XRCC5: variants seen among roughly 807,000 people sequenced by gnomAD.
XRCC5 encodes the protein X-ray repair cross complementing 5, also known as DNA repair protein Ku80.
Under a neutral mutation model 95.7 loss-of-function variants are expected in XRCC5, and 12 were observed. That is an observed-to-expected ratio of 0.13 (90% CI 0.08 to 0.20). The LOEUF (loss-of-function observed/expected upper bound fraction) is 0.20. Ranked by LOEUF, XRCC5 falls within the 10% of genes least tolerant of loss-of-function variation. The pLI is 1.00. For synonymous variants in XRCC5, 281 were observed against 290.3 expected, an observed-to-expected ratio of 0.97 and a Z score of 0.33; for missense variants, 595 against 873.9, an observed-to-expected ratio of 0.68 and a Z score of 4.02.
chr2:216,117,344 T>G (rs951237393), intron 3 of XRCC5: 36 of 194,134 alleles, frequency 1.9e-4, no homozygotes, highest in African/African-American at 8.4e-4. Context: ...CTTTTTCTAA[T>G]CAGTTAGTAG....
intron 17 of XRCC5, among the ~76,000 whole-genome samples, 156 bp downstream of exon 17, chr2:216,190,490 T>G (rs1689596211): frequency 6.6e-6 from 1 of 152,204 alleles, no homozygotes; most frequent in Admixed American, 6.5e-5. Context: ...ATGACTTAAA[T>G]TCATGTTACT....
chr2:216,147,966 A>G (rs1404530051), intron 13 of XRCC5, 117 bp from the exon 14 acceptor site: 2 of 1,089,250 alleles, frequency 1.8e-6, no homozygotes, highest in Non-Finnish European at 2.7e-6. Flanking sequence ...TGTTTTTTAC[A>G]TGTGGTATGA....
chr2:216,138,355 G>A (rs962503871), intron 12 of XRCC5, among the ~76,000 whole-genome samples, 176 bp downstream of exon 12: 1 of 152,222 alleles, frequency 6.6e-6, no homozygotes, highest in Admixed American at 6.5e-5. Context: ...TTTTCCAGTA[G>A]TAGGGATAGG....
intron 2 of XRCC5, among the ~76,000 whole-genome samples, chr2:216,113,881 A>G (rs1310736949): frequency 1.3e-5 from 2 of 152,152 alleles, no homozygotes; most frequent in African/African-American, 2.4e-5. Flanking sequence ...CTTAAGACCT[A>G]TTTTTAGAAG....
At chr2:216,181,876 A>G (rs1460826539) in intron 16 of XRCC5, among the ~76,000 whole-genome samples, 1 of 152,210 alleles carries the variant, frequency 6.6e-6, no homozygotes, top group Non-Finnish European at 1.5e-5. Context: ...TTTGACCTCT[A>G]GAATACTGTA....
chr2:216,111,245 G>T (rs534901491), intron 1 of XRCC5, among the ~76,000 whole-genome samples: 3 of 152,158 alleles, frequency 2.0e-5, no homozygotes, highest in Non-Finnish European at 4.4e-5. Context: ...GGGGAGGCCA[G>T]ACACGGTGGC....
chr2:216,147,525 T>TA (rs1688657960), intron 13 of XRCC5, among the ~76,000 whole-genome samples: 1 of 151,902 alleles, frequency 6.6e-6, no homozygotes, highest in African/African-American at 2.4e-5. Context: ...GAGAGAAAGG[T>TA]GGATGGACTT....
chr2:216,204,284 A>G (rs556975922), intron 19 of XRCC5, 38 bp from the exon 20 acceptor site: 17 of 1,611,612 alleles, frequency 1.1e-5, no homozygotes, highest in Non-Finnish European at 1.4e-5. Context: ...AGGGGCAAAA[A>G]TATCATTTTG....
chr2:216,145,037 G>A (rs541002525), intron 13 of XRCC5, among the ~76,000 whole-genome samples: 100 of 152,210 alleles, frequency 6.6e-4, no homozygotes, highest in Non-Finnish European at 1.1e-3. Flanking sequence ...GATGCACAAT[G>A]GGGAGTAGAG....
intron 14 of XRCC5, among the ~76,000 whole-genome samples, chr2:216,153,881 C>G (rs991908855): frequency 2.0e-5 from 3 of 152,202 alleles, no homozygotes; most frequent in African/African-American, 7.2e-5. Flanking sequence ...AGCTTAGGTG[C>G]CTGTAGGCCC....
At chr2:216,135,516 C>T (rs1697060911) in intron 10 of XRCC5, among the ~76,000 whole-genome samples, 1 of 151,926 alleles carries the variant, frequency 6.6e-6, no homozygotes, top group African/African-American at 2.4e-5. Flanking sequence ...TTGGTAGTTT[C>T]GTGAACACTT....
intron 16 of XRCC5, among the ~76,000 whole-genome samples, chr2:216,164,154 C>G (rs867924587): frequency 6.6e-6 from 1 of 152,184 alleles, no homozygotes; most frequent in South Asian, 2.1e-4. Context: ...GCTGCTGTGA[C>G]AAGTCAATGA....
At chr2:216,137,267 C>G (rs1274642601) in intron 11 of XRCC5, 42 bp downstream of exon 11, 15 of 1,590,080 alleles carry the variant, frequency 9.4e-6, no homozygotes, top group Non-Finnish European at 1.2e-5. Context: ...TCTTCAGTTC[C>G]TTTATTCTAA....
At chr2:216,148,832 C>A (rs1160426747) in intron 14 of XRCC5, among the ~76,000 whole-genome samples, 1 of 152,192 alleles carries the variant, frequency 6.6e-6, no homozygotes, top group Non-Finnish European at 1.5e-5. Context: ...ACACTTAAAT[C>A]AAGCTTACAA....
chr2:216,186,705 C>A (rs960626015), intron 16 of XRCC5, among the ~76,000 whole-genome samples: 1 of 152,146 alleles, frequency 6.6e-6, no homozygotes, highest in East Asian at 1.9e-4. Context: ...TAACTAATTT[C>A]GAAAAGCATT....
chr2:216,201,834 A>G (rs1213285561), intron 19 of XRCC5, among the ~76,000 whole-genome samples: 1 of 152,232 alleles, frequency 6.6e-6, no homozygotes, highest in Admixed American at 6.5e-5. Flanking sequence ...TTGCAGTTAC[A>G]AACATTAATG....
At chr2:216,146,094 T>C (rs1323531201) in intron 13 of XRCC5, among the ~76,000 whole-genome samples, 1 of 152,224 alleles carries the variant, frequency 6.6e-6, no homozygotes, top group Non-Finnish European at 1.5e-5. Context: ...TTACATTGAA[T>C]AGGCCTGATG....
intron 13 of XRCC5, among the ~76,000 whole-genome samples, chr2:216,143,495 A>G (rs1164525644): frequency 6.6e-6 from 1 of 152,222 alleles, no homozygotes; most frequent in Non-Finnish European, 1.5e-5. Flanking sequence ...AATAACAAAC[A>G]GATACAAGCC....
intron 16 of XRCC5, among the ~76,000 whole-genome samples, chr2:216,187,821 A>ACACACACACACACACTCTCTCT (rs1312215177): frequency 2.1e-5 from 1 of 47,950 alleles, no homozygotes; most frequent in African/African-American, 1.0e-4. Context: ...ACACACACAC[A>ACACACACACACACACTCTCTCT]CTCTCTCTCT....
Sources: allele counts gnomAD v4.1 joint callset (sites outside exome capture counted in the v4.1 genomes callset), GRCh38; gene constraint gnomAD v4.1.1; transcripts MANE v1.5; gene names NCBI Gene and HGNC (gene_info 2026-07-23, HGNC 2026-07-21).